The following SPTA1 variants were observed in gnomAD, a reference collection of about 807,000 sequenced individuals.
SPTA1 encodes the protein spectrin alpha, erythrocytic 1.
SPTA1 carries 177 observed loss-of-function variants against 324.7 expected under a neutral mutation model. The ratio of observed to expected loss-of-function variants is 0.55; its 90% CI spans 0.48 to 0.62. SPTA1 has a LOEUF of 0.62. SPTA1 is among the 20% of genes least tolerant of loss of function. The pLI is 0.00. For missense variants in SPTA1, 3,162 were observed against 2,883.6 expected, an observed-to-expected ratio of 1.10 and a Z score of -2.21; for synonymous variants, 1,195 against 1,041.3, an observed-to-expected ratio of 1.15 and a Z score of -2.84.
chr1:158,659,601 T>A (rs867622278), intron 18 of SPTA1, among the ~76,000 whole-genome samples: 10 of 12,920 alleles, frequency 7.7e-4, no homozygotes, highest in Non-Finnish European at 8.3e-4. Context: ...CATTATTTTT[T>A]TTTTTTTTTT....
In SPTA1 at chr1:158,656,587, G is replaced by A. The variant is rs567687301; in HGVS notation, c.2875C>T (p.Arg959Trp). The change falls in exon 20 of 52, where the codon CGG (arginine) becomes TGG (tryptophan). Residue 959 changes from arginine to tryptophan, a missense_variant. Transcript: ENST00000643759. ...NSFGDSMKALRNQANACQQQQ... is the reference protein window; with the variant it reads ...NSFGDSMKALWNQANACQQQQ... ...ACCTGGCAGGCGTTTGCCTGATTCC[G>A]CAGAGCTTTCATACTGTCTCCAAAT... is the stretch of plus-strand genomic sequence containing the variant. The A allele has an allele frequency of 3.8e-5, 61 of 1,613,848 alleles. No homozygotes were observed. In the African/African-American group the frequency reaches 5.5e-4, roughly 14 times the overall value.
At chr1:158,657,423 T>C in intron 19 of SPTA1, 54 bp downstream of exon 19, 1 of 1,539,860 alleles carries the variant, frequency 6.5e-7, no homozygotes, top group Non-Finnish European at 9.0e-7. Context: ...CCTAAATTGA[T>C]AATTTGGTTG....
chr1:158,663,965 A>G (rs965934048), intron 16 of SPTA1, among the ~76,000 whole-genome samples: 1 of 152,208 alleles, frequency 6.6e-6, no homozygotes, highest in South Asian at 2.1e-4. Context: ...GATTTTATCT[A>G]TGGCTCCTCA....
Position 158,667,889 on chromosome 1 carries a change from C to CA in SPTA1, c.2006_2007insT (p.Trp669CysfsTer17), listed in dbSNP as rs771689457. 6.2e-7 allele frequency: 1 copy of CA among 1,613,956 alleles called. No homozygotes were observed. The highest frequency in any genetic ancestry group is 8.5e-7 in the Non-Finnish European group (1 of 1,179,976). On this transcript the variant is annotated frameshift_variant, in exon 15 of 52. Transcript: ENST00000643759. LOFTEE classifies it high-confidence loss of function. The stretch of plus-strand genomic sequence containing the variant: ...GTTTTGTAGCCTCCAGCAACTCCTC[C>CA]CAGAGGCTGGCAACTTCACTCAGAC...
rs371406234 is a variant in SPTA1, at chr1:158,653,375, G to C, written c.3087C>G (p.Val1029=). 6.2e-7 allele frequency: 1 copy of C among 1,614,074 alleles called. No homozygotes were observed. The part of the protein sequence containing the change: ...AADHQGIVPA[V]YVRRLAHDEF... ...CATCGTGGGCCAGTCTTCTGACATAGACAGCTGGGACAATGCCCTGATGAT... is the reference window on the plus strand; with the variant it reads ...CATCGTGGGCCAGTCTTCTGACATACACAGCTGGGACAATGCCCTGATGAT... Residue 1029 remains valine, a synonymous_variant, in exon 22 of 52, where the codon GTC becomes GTG. Transcript: ENST00000643759.
chr1:158,652,358 T>G, intron 23 of SPTA1, 109 bp downstream of exon 23: 3 of 1,286,810 alleles, frequency 2.3e-6, no homozygotes, highest in Non-Finnish European at 3.3e-6. Flanking sequence ...GCCAATAGCT[T>G]TGGGGAGAAT....
At chr1:158,676,333 T>C in intron 7 of SPTA1, 38 bp from the exon 8 acceptor site, 2 of 1,611,084 alleles carry the variant, frequency 1.2e-6, no homozygotes, top group Non-Finnish European at 1.7e-6. Flanking sequence ...GAAATCCAAG[T>C]ACTCTGACTC....
chr1:158,655,838 C>T (rs1392787000), intron 20 of SPTA1, among the ~76,000 whole-genome samples: 2 of 152,186 alleles, frequency 1.3e-5, no homozygotes, highest in African/African-American at 4.8e-5. Context: ...CCAATTGCAT[C>T]TTCCATTCTC....
rs148769994 is a variant in SPTA1, at chr1:158,652,503, A to G, written c.3339T>C (p.Val1113=). Residue 1113 remains valine, a synonymous_variant, in exon 23 of 52, where the codon GTT becomes GTC. Transcript: ENST00000643759. ...CATCAAACTTTTTCTGCAGCTCCCA[A>G]ACATCATCTAGTTCCACTCCAGTGT... ...AENTGVELDD[V]WELQKKFDEF... 1.1e-5 allele frequency: 17 copies of G among 1,614,162 alleles called. No homozygotes were observed. In the Middle Eastern group the frequency reaches 4.9e-4, roughly 47 times the overall value.
intron 40 of SPTA1, among the ~76,000 whole-genome samples, chr1:158,627,239 T>A (rs1650340163): frequency 6.6e-6 from 1 of 152,210 alleles, no homozygotes; most frequent in Admixed American, 6.5e-5. Flanking sequence ...AAAGGAATGA[T>A]TCTCAAATTT....
chr1:158,653,438 C>A lies in SPTA1; in HGVS notation c.3037-13G>T. On this transcript the variant is annotated splice_polypyrimidine_tract_variant and intron_variant, in intron 21 of 51. Transcript: ENST00000643759. ...CCTTCCACCAGTCCTGAAGGGAGAG[C>A]AGATCCCCACTCCGTCATTAATTCT... 1.2e-6 allele frequency: 2 copies of A among 1,613,816 alleles called. No homozygotes were observed. The highest frequency in any genetic ancestry group is 1.7e-6 in the Non-Finnish European group (2 of 1,179,954).
Position 158,652,624 on chromosome 1 carries a change from T to C in SPTA1, c.3218A>G (p.Glu1073Gly). The change falls in exon 23 of 52, where the codon GAA (glutamate) becomes GGA (glycine). Residue 1073 changes from glutamate (E) to glycine (G), a missense_variant. By Grantham distance (98) the Glu-to-Gly change is moderately conservative (BLOSUM62 -2). Coordinates refer to ENST00000643759, the MANE Select transcript of SPTA1 (RefSeq NM_003126.4). ...ACGTTGCAATAGACGACGTCTGCGTTCTTCTGCCCGATCCAAGAGGGAGCG... is the reference window on the plus strand; with the variant it reads ...ACGTTGCAATAGACGACGTCTGCGTCCTTCTGCCCGATCCAAGAGGGAGCG... ...QYRSLLDRAEERRRRLLQRYN... is the reference protein window; with the variant it reads ...QYRSLLDRAEGRRRRLLQRYN... 6.2e-7 allele frequency: 1 copy of C among 1,614,176 alleles called. No individual in the cohort carries two copies.
At chr1:158,676,414 G>T in intron 7 of SPTA1, 119 bp from the exon 8 acceptor site, 2 of 1,074,868 alleles carry the variant, frequency 1.9e-6, no homozygotes, top group Non-Finnish European at 2.7e-6. Context: ...ATCGACATAT[G>T]AATAGATTTC....
At chr1:158,634,696 C>G (rs1161972735) in intron 38 of SPTA1, 21 bp from the exon 39 acceptor site, 1 of 1,613,788 alleles carries the variant, frequency 6.2e-7, no homozygotes, top group South Asian at 1.1e-5. Flanking sequence ...GTGGCAAGCC[C>G]CAGTGAGGAT....
At chr1:158,658,836 G>A (rs1653009840) in intron 18 of SPTA1, among the ~76,000 whole-genome samples, 1 of 152,026 alleles carries the variant, frequency 6.6e-6, no homozygotes, top group African/African-American at 2.4e-5. Context: ...CAGAAGACAA[G>A]ACAGCACATC....
chr1:158,661,438 G>C lies in SPTA1; in HGVS notation c.2465-29C>G, dbSNP rs773513534. ...CAGAGGAAAGGAATTTCAAAGTTTC[G>C]GATTATCCTGGTGTATGGAAGTAGC... On this transcript the variant is annotated intron_variant, in intron 17 of 51. Transcript: ENST00000643759. The C allele has an allele frequency of 3.1e-6, 5 of 1,613,380 alleles. No homozygotes were observed. In the East Asian group the frequency reaches 1.1e-4, roughly 36 times the overall value.
rs753609686 is a variant in SPTA1 at position 158,644,326 on chromosome 1, T to C, written c.4265A>G (p.Asp1422Gly). The change falls in exon 30 of 52, where the codon GAC (aspartate) becomes GGC (glycine). Residue 1422 changes from aspartate (D) to glycine (G), a missense_variant. By Grantham distance (94) the Asp-to-Gly change is moderately conservative. Transcript: ENST00000643759. ...CTCCAGACTGTCTAAGGAACTTTTG[T>C]CATCTGACCTCAGGGAATTCTCACG... ...VARENSLRSD[D>G]KSSLDSLEAL... The C allele has an allele frequency of 4.3e-6, 7 of 1,613,814 alleles. No individual in the cohort carries two copies. Among genetic ancestry groups the C allele is most frequent in the Non-Finnish European group, 5.9e-6 (7 of 1,179,912 alleles).
At position 158,642,437 on chromosome 1, in the gene SPTA1, A is replaced by C. The variant is rs201601992; in HGVS notation, c.4711T>G (p.Cys1571Gly). Residue 1571 changes from cysteine to glycine, a missense_variant, in exon 33 of 52, where the codon TGT (cysteine) becomes GGT (glycine). Coordinates refer to ENST00000643759, the MANE Select transcript of SPTA1 (RefSeq NM_003126.4). Reference protein sequence around the residue: ...LGNSLIECSACDGNEEAMKEQ... With the variant: ...LGNSLIECSAGDGNEEAMKEQ... Reference sequence around the variant, plus strand: ...TTCATGGCCTCTTCATTGCCATCACAAGCGCTACACTCAATCAGGGAGTTC... The same window carrying C: ...TTCATGGCCTCTTCATTGCCATCACCAGCGCTACACTCAATCAGGGAGTTC... 1.2e-4 allele frequency: 196 copies of C among 1,613,550 alleles called. No individual in the cohort carries two copies. In the African/African-American group the frequency reaches 1.5e-3, roughly 13 times the overall value.
intron 43 of SPTA1, among the ~76,000 whole-genome samples, chr1:158,621,941 T>A (rs6427440): frequency 0.33 from 50,354 of 152,088 alleles, 8,736 homozygotes; most frequent in African/African-American, 0.43. Flanking sequence ...CTGGGCTCAC[T>A]GCAAGCTCCA....
Sources: gnomAD v4.1 joint callset for allele counts (sites outside exome capture counted in the v4.1 genomes callset) on GRCh38, gnomAD v4.1.1 for gene constraint, MANE v1.5 for transcripts, NCBI Gene and HGNC (gene_info 2026-07-23, HGNC 2026-07-21) for gene names.